ARHGEF3: variants seen among roughly 807,000 people sequenced by gnomAD.
ARHGEF3 encodes the protein Rho guanine nucleotide exchange factor 3.
ARHGEF3 carries 28 observed loss-of-function variants against 63.2 expected under a neutral mutation model. The observed-to-expected ratio is 0.44, with a 90% CI of 0.33 to 0.61. The LOEUF (loss-of-function observed/expected upper bound fraction) is 0.61. ARHGEF3 is among the 20% of genes least tolerant of loss of function. ARHGEF3 has a pLI of 0.03. For missense variants in ARHGEF3, 533 were observed against 659.3 expected, an observed-to-expected ratio of 0.81 and a Z score of 2.10; for synonymous variants, 266 against 254.2, an observed-to-expected ratio of 1.05 and a Z score of -0.44.
At chr3:56,739,396 C>T (rs867914669) in intron 7 of ARHGEF3, among the ~76,000 whole-genome samples, 20 of 133,408 alleles carry the variant, frequency 1.5e-4, no homozygotes, top group East Asian at 2.2e-4. Flanking sequence ...AATTATTTTC[C>T]TTTTTTTTTT....
rs191853301 is a variant in ARHGEF3, at chr3:56,937,346, G to T, written c.129+21477C>A. ...TAGGACATATATACTGAAATATTTA[G>T]ATGTGAAGAATCATAGTATCTGTAA... On this transcript the variant is annotated intron_variant, in intron 3 of 12. Transcript: ENST00000338458. 9.2e-5 allele frequency among the ~76,000 whole-genome samples: 14 copies of T among 152,284 alleles called. No individual in the cohort carries two copies. In the East Asian group the frequency reaches 2.7e-3, roughly 29 times the overall value.
intron 2 of ARHGEF3, among the ~76,000 whole-genome samples, chr3:56,981,909 C>T (rs1365211408): frequency 6.6e-6 from 1 of 152,236 alleles, no homozygotes; most frequent in Non-Finnish European, 1.5e-5. Context: ...GGGATGCCCT[C>T]TCCCCTTTGG....
At chr3:56,796,823 G>A (rs2037393768) in intron 1 of ARHGEF3, among the ~76,000 whole-genome samples, 1 of 152,088 alleles carries the variant, frequency 6.6e-6, no homozygotes, top group Non-Finnish European at 1.5e-5. Flanking sequence ...ACCCTGTTCT[G>A]AGCCTGTTTC....
At chr3:57,056,384 CA>C (rs10666149) in intron 1 of ARHGEF3, among the ~76,000 whole-genome samples, 32 of 108,314 alleles carry the variant, frequency 3.0e-4, no homozygotes, top group Admixed American at 4.5e-4. Context: ...AAGACTCCAT[CA>C]AAAAAAAAAA....
intron 3 of ARHGEF3, among the ~76,000 whole-genome samples, chr3:56,896,734 T>C (rs1252116850): frequency 6.6e-6 from 1 of 152,234 alleles, no homozygotes; most frequent in South Asian, 2.1e-4. Flanking sequence ...TAGATTCAGG[T>C]TGCACATTCT....
At chr3:56,843,970 C>G (rs1559985967) in intron 4 of ARHGEF3, among the ~76,000 whole-genome samples, 1 of 152,124 alleles carries the variant, frequency 6.6e-6, no homozygotes, top group Non-Finnish European at 1.5e-5. Flanking sequence ...TGGCCTTGGA[C>G]TCATTAAACA....
chr3:56,850,365 C>A (rs112476557), intron 4 of ARHGEF3, among the ~76,000 whole-genome samples: 1 of 151,998 alleles, frequency 6.6e-6, no homozygotes, highest in Non-Finnish European at 1.5e-5. Flanking sequence ...CTTGTCTCTA[C>A]TAAAAATACA....
intron 3 of ARHGEF3, among the ~76,000 whole-genome samples, chr3:56,928,124 T>G (rs1388880240): frequency 4.6e-5 from 7 of 152,162 alleles, no homozygotes; most frequent in African/African-American, 1.7e-4. Flanking sequence ...ACATGTGTGC[T>G]GGAATCACCC....
At chr3:56,903,067 C>T (rs1031784120) in intron 3 of ARHGEF3, among the ~76,000 whole-genome samples, 1 of 84,742 alleles carries the variant, frequency 1.2e-5, no homozygotes, top group African/African-American at 3.8e-5. Flanking sequence ...CCTCTCTAAA[C>T]ATACACACAC....
intron 4 of ARHGEF3, among the ~76,000 whole-genome samples, chr3:56,850,189 G>A (rs768100842): frequency 1.3e-5 from 2 of 152,136 alleles, no homozygotes; most frequent in African/African-American, 4.8e-5. Flanking sequence ...AATATCAGCA[G>A]TCCCCATCTG....
intron 3 of ARHGEF3, among the ~76,000 whole-genome samples, chr3:56,923,847 C>A (rs955772319): frequency 6.6e-6 from 1 of 152,096 alleles, no homozygotes; most frequent in African/African-American, 2.4e-5. Flanking sequence ...AAGGAATCAC[C>A]AAAACACTGG....
intron 1 of ARHGEF3, among the ~76,000 whole-genome samples, chr3:57,052,744 G>A (rs1668899758): frequency 6.6e-6 from 1 of 152,112 alleles, no homozygotes; most frequent in Admixed American, 6.5e-5. Flanking sequence ...GAGCACTCGG[G>A]CTGTCCCAAG....
At chr3:56,941,409 T>C (rs1356113161) in intron 3 of ARHGEF3, among the ~76,000 whole-genome samples, 4 of 152,224 alleles carry the variant, frequency 2.6e-5, no homozygotes, top group Non-Finnish European at 4.4e-5. Flanking sequence ...GGTTTTGCCA[T>C]GTTGGCCAGA....
intron 3 of ARHGEF3, among the ~76,000 whole-genome samples, chr3:56,890,942 G>C (rs1416415077): frequency 1.3e-5 from 2 of 152,074 alleles, no homozygotes; most frequent in African/African-American, 4.8e-5. Flanking sequence ...TTATCTCTTT[G>C]CTGGCAAACA....
intron 2 of ARHGEF3, among the ~76,000 whole-genome samples, chr3:57,010,316 C>A (rs1030263455): frequency 1.3e-5 from 2 of 151,920 alleles, no homozygotes; most frequent in Admixed American, 6.6e-5. Context: ...ATTAGCCGGG[C>A]GTGGTGGCGG....
Position 56,895,453 on chromosome 3 carries a change from C to CTTAT in ARHGEF3, c.130-13103_130-13100dup, listed in dbSNP as rs754105748. On this transcript the variant is annotated intron_variant, in intron 3 of 12. Coordinates refer to the ARHGEF3 transcript ENST00000338458. ...TGTTGGCATATTCAGGTCCATTGTT[C>CTTAT]TTATTTATTTATTTATTTATTTTTT... is the stretch of plus-strand genomic sequence containing the variant. Among the ~76,000 whole-genome samples, 10 of 123,596 alleles carry CTTAT rather than the reference C, an allele frequency of 8.1e-5. No homozygotes were observed. The East Asian group carries it at 8.4e-4, about 10-fold the overall frequency. The allele number at this position is 123,596 out of a possible 152,430, so 81.1% of individuals were successfully genotyped here. A position where few individuals can be genotyped will look rare whatever the true frequency, so the allele number is the denominator to read the frequency against.
intron 4 of ARHGEF3, among the ~76,000 whole-genome samples, chr3:56,752,140 C>G (rs1457389542): frequency 6.6e-6 from 1 of 151,092 alleles, no homozygotes; most frequent in African/African-American, 2.4e-5. Flanking sequence ...CCAGGATGGT[C>G]TTGATCTCTT....
intron 2 of ARHGEF3, among the ~76,000 whole-genome samples, chr3:57,025,248 G>A (rs962817211): frequency 6.6e-6 from 1 of 152,196 alleles, no homozygotes; most frequent in South Asian, 2.1e-4. Context: ...AGCAATGGAG[G>A]GACTCTGGAT....
intron 3 of ARHGEF3, chr3:56,938,826 G>A (rs1699034592): frequency 2.0e-5 from 3 of 152,226 alleles, no homozygotes; most frequent in Admixed American, 2.0e-4. Context: ...TGAGTCTCTT[G>A]CTTGAAGTTC....
Sources: allele counts gnomAD v4.1 joint callset (sites outside exome capture counted in the v4.1 genomes callset), GRCh38; gene constraint gnomAD v4.1.1; transcripts MANE v1.5; gene names NCBI Gene and HGNC (gene_info 2026-07-23, HGNC 2026-07-21).